PSEN2: variants seen among roughly 807,000 people sequenced by gnomAD.
PSEN2 encodes presenilin-2.
PSEN2 carries 32 observed loss-of-function variants against 49.1 expected under a neutral mutation model. The observed-to-expected ratio is 0.65, with a 90% confidence interval of 0.49 to 0.88. The LOEUF is 0.88. Ranked by LOEUF, PSEN2 falls within the 40% of genes least tolerant of loss-of-function variation. The probability of loss-of-function intolerance (pLI) is 0.00; values close to 1 mark genes in which losing one functional copy is unlikely to be tolerated. For synonymous variants in PSEN2, 255 were observed against 244.0 expected (o/e 1.05, Z -0.42); for missense variants, 522 against 586.9 (o/e 0.89, Z 1.14).
chr1:226,880,844 C>T, intron 3 of PSEN2: 2 of 1,509,300 alleles, frequency 1.3e-6, no homozygotes, highest in South Asian at 2.5e-5. Context: ...CCCTCAGTGG[C>T]ACTTCCCCAC....
chr1:226,871,836 G>A (rs1660315928), intron 2 of PSEN2, among the ~76,000 whole-genome samples: 1 of 152,242 alleles, frequency 6.6e-6, no homozygotes, highest in Admixed American at 6.5e-5. Context: ...TGTGGTTGTG[G>A]GCAGCCGGTG....
chr1:226,876,694 C>T (rs185271841), intron 3 of PSEN2, among the ~76,000 whole-genome samples: 15 of 152,212 alleles, frequency 9.9e-5, no homozygotes, highest in East Asian at 5.8e-4. Flanking sequence ...GTTTTATGTT[C>T]GGTTAAATTT....
At chr1:226,898,967 T>A (rs535732134), downstream of PSEN2, 8 of 152,334 alleles carry the variant, frequency 5.3e-5, no homozygotes, top group South Asian at 2.1e-4. Context: ...TTCACTTGGA[T>A]TTTTTGTCTT....
At position 226,885,683 on chromosome 1, in the gene PSEN2, A is replaced by G. The variant is rs1356339476; in HGVS notation, c.498+4A>G. 23 of 1,606,070 alleles carry G rather than the reference A, an allele frequency of 1.4e-5. No individual in the cohort carries two copies. The Admixed American group carries it at 3.8e-4, about 27-fold the overall frequency. ...CTACAAGTACCGCTGCTACAAGGTG[A>G]GGCCCTGGCCCTGCCCTCCAGCCAC... On this transcript the variant is annotated splice_donor_region_variant and intron_variant, in intron 6 of 12. Transcript: ENST00000366783.
chr1:226,891,910 C>T, intron 11 of PSEN2, 66 bp downstream of exon 11: 1 of 1,425,916 alleles, frequency 7.0e-7, no homozygotes, highest in East Asian at 2.3e-5. Context: ...AGGGTGGAGG[C>T]TCCCTGCAGC....
chr1:226,881,997 C>T lies in PSEN2; in HGVS notation c.90C>T (p.Ser30=). The change falls in exon 4 of 13, where the codon TCC becomes TCT. Residue 30 remains serine, a synonymous_variant. Coordinates refer to ENST00000366783, the MANE Select transcript of PSEN2 (RefSeq NM_000447.3). ...LMSAESPTPR[S]CQEGRQGPED... is the part of the protein sequence containing the mutation. ...CGGCTGAGAGCCCCACGCCGCGCTC[C>T]TGCCAGGAGGGCAGGCAGGGCCCAG... 6.2e-7 allele frequency: 1 copy of T among 1,614,122 alleles called. No homozygotes were observed. The highest frequency in any genetic ancestry group is 8.5e-7 in the Non-Finnish European group (1 of 1,180,000).
At chr1:226,884,032 T>A in intron 5 of PSEN2, 113 bp downstream of exon 5, 1 of 949,228 alleles carries the variant, frequency 1.1e-6, no homozygotes, top group Non-Finnish European at 1.6e-6. Flanking sequence ...CCAGCAGCGG[T>A]AAAGAGCAGG....
At chr1:226,880,526 G>C (rs142421813) in intron 3 of PSEN2, 1 of 1,550,592 alleles carries the variant, frequency 6.4e-7, no homozygotes, top group Non-Finnish European at 8.7e-7. Context: ...TCTGGACAGC[G>C]ATCACTCAGC....
intron 3 of PSEN2, 134 bp from the exon 4 acceptor site, chr1:226,881,754 A>G (rs1661006327): frequency 1.1e-6 from 1 of 946,412 alleles, no homozygotes; most frequent in Non-Finnish European, 1.7e-6. Flanking sequence ...CGTTTGATTG[A>G]CAGGCATCTC....
chr1:226,899,817 C>T (rs756749971), downstream of PSEN2, among the ~76,000 whole-genome samples: 30 of 152,074 alleles, frequency 2.0e-4, no homozygotes, highest in Admixed American at 9.2e-4. Flanking sequence ...GTGTGCTAGC[C>T]GTCAAGTCAC....
intron 5 of PSEN2, 27 bp downstream of exon 5, chr1:226,883,946 GGTGGGGTGAGGGCTGAGTTGCCAGGGGGT>G (rs763029340): frequency 1.1e-5 from 17 of 1,523,720 alleles, no homozygotes; most frequent in Admixed American, 8.4e-5. Context: ...GGGGGAGCAG[GGTGGGGTGAGGGCTGAGTTGCCAGGGGGT>G]GGGGGGCGCA....
chr1:226,895,167 G>A (rs1662051122), intron 12 of PSEN2, among the ~76,000 whole-genome samples: 1 of 152,204 alleles, frequency 6.6e-6, no homozygotes, highest in African/African-American at 2.4e-5. Flanking sequence ...CGGCCTCGGG[G>A]CACAGCACTG....
chr1:226,885,740 C>T, intron 6 of PSEN2, 61 bp downstream of exon 6: 1 of 1,594,378 alleles, frequency 6.3e-7, no homozygotes, highest in East Asian at 2.2e-5. Context: ...ACCATGGCGG[C>T]AGGGCCCGTG....
intron 11 of PSEN2, among the ~76,000 whole-genome samples, chr1:226,892,512 G>A (rs1345779345): frequency 6.6e-6 from 1 of 152,216 alleles, no homozygotes; most frequent in East Asian, 1.9e-4. Flanking sequence ...CCCTGGAGCA[G>A]GGAGATGCTG....
At position 226,890,124 on chromosome 1, in the gene PSEN2, A is replaced by T. The variant is rs199689738; in HGVS notation, c.877A>T (p.Ile293Leu). The T allele has an allele frequency of 4.0e-5, 65 of 1,612,794 alleles. No homozygotes were observed. The highest frequency in any genetic ancestry group is 2.7e-4 in the Admixed American group (16 of 60,010). The change falls in exon 9 of 13, where the codon ATA becomes TTA. Residue 293 changes from isoleucine to leucine, a missense_variant. Physicochemically the swap from Ile to Leu is conservative, Grantham distance 5 (BLOSUM62 2). Coordinates refer to ENST00000366783, the MANE Select transcript of PSEN2 (RefSeq NM_000447.3). ...AAATGAGCCCATATTCCCTGCCCTGATATACTCATGTGAGTGAGCCCCCCG... is the reference window on the plus strand; with the variant it reads ...AAATGAGCCCATATTCCCTGCCCTGTTATACTCATGTGAGTGAGCCCCCCG... ...ERNEPIFPAL[I>L]YSSAMVWTVG...
chr1:226,879,749 C>A (rs1660858844), intron 3 of PSEN2, among the ~76,000 whole-genome samples: 1 of 152,170 alleles, frequency 6.6e-6, no homozygotes, highest in South Asian at 2.1e-4. Context: ...AGACTGTGTC[C>A]CCTCCTGTCG....
chr1:226,872,217 A>T (rs979234113), intron 2 of PSEN2, among the ~76,000 whole-genome samples: 1 of 152,138 alleles, frequency 6.6e-6, no homozygotes, highest in Non-Finnish European at 1.5e-5. Context: ...CGTCCCCCCA[A>T]GGGGGGTTTG....
intron 3 of PSEN2, among the ~76,000 whole-genome samples, chr1:226,878,894 C>G (rs1172140444): frequency 6.6e-6 from 1 of 152,158 alleles, no homozygotes; most frequent in East Asian, 1.9e-4. Flanking sequence ...TGTGGTGCCC[C>G]TCTTTGAGTA....
chr1:226,891,275 C>T lies in PSEN2; in HGVS notation c.887-3C>T, dbSNP rs1230394996. ...GAGATGTGAACCTTTTCTCCTCCCC[C>T]AGCTGCCATGGTGTGGACGGTTGGC... On this transcript the variant is annotated splice_polypyrimidine_tract_variant and splice_region_variant and intron_variant, in intron 9 of 12. Transcript: ENST00000366783. The T allele has an allele frequency of 2.5e-6, 4 of 1,613,504 alleles. No individual in the cohort carries two copies. The highest frequency in any genetic ancestry group is 2.2e-5 in the East Asian group (1 of 44,874).
Sources: gnomAD v4.1 joint callset for allele counts (sites outside exome capture counted in the v4.1 genomes callset) on GRCh38, gnomAD v4.1.1 for gene constraint, MANE v1.5 for transcripts, NCBI Gene and HGNC (gene_info 2026-07-23, HGNC 2026-07-21) for gene names.